The following ANK3 variants were observed in gnomAD, a reference collection of about 807,000 sequenced individuals.
The protein encoded by ANK3 is ankyrin-3.
A neutral mutation model predicts 370.9 loss-of-function variants in ANK3; 57 were observed. The ratio of observed to expected loss-of-function variants is 0.15; its 90% CI spans 0.12 to 0.19. ANK3 has a LOEUF of 0.19. Among genes scored for constraint, ANK3 ranks in the 10% least tolerant of loss-of-function variants. ANK3 has a pLI of 1.00. For synonymous variants in ANK3, 1,929 were observed against 1,946.3 expected, an observed-to-expected ratio of 0.99 and a Z score of 0.23; for missense variants, 4,439 against 5,302.1, an observed-to-expected ratio of 0.84 and a Z score of 5.06.
intron 2 of ANK3, among the ~76,000 whole-genome samples, chr10:60,512,345 G>A (rs930212133): frequency 2.0e-5 from 3 of 152,110 alleles, no homozygotes; most frequent in Admixed American, 1.3e-4. Context: ...TCCTTGAAAA[G>A]CCTTTTTAAA....
At chr10:60,104,357 C>CAAAAA (rs747064489) in intron 28 of ANK3, among the ~76,000 whole-genome samples, 5 of 53,758 alleles carry the variant, frequency 9.3e-5, no homozygotes, top group African/African-American at 6.7e-5. Flanking sequence ...GACTCCATCT[C>CAAAAA]AAAAAAAAAA....
At chr10:60,186,154 G>A (rs941673843) in intron 17 of ANK3, among the ~76,000 whole-genome samples, 2 of 152,166 alleles carry the variant, frequency 1.3e-5, no homozygotes, top group African/African-American at 4.8e-5. Flanking sequence ...GCTACAATTT[G>A]CAGCTTCTTC....
chr10:60,565,640 C>T (rs1161611693), intron 2 of ANK3, among the ~76,000 whole-genome samples: 2 of 152,190 alleles, frequency 1.3e-5, no homozygotes, highest in Non-Finnish European at 2.9e-5. Flanking sequence ...CAAACCATTG[C>T]TTAGATTCAT....
At chr10:60,308,549 T>G (rs1462212458) in intron 1 of ANK3, among the ~76,000 whole-genome samples, 1 of 152,140 alleles carries the variant, frequency 6.6e-6, no homozygotes. Flanking sequence ...TTGCTGGGAT[T>G]ACAGACGTGA....
intron 43 of ANK3, among the ~76,000 whole-genome samples, chr10:60,039,773 T>TTA (rs1431451535): frequency 6.6e-6 from 1 of 152,064 alleles, no homozygotes; most frequent in Non-Finnish European, 1.5e-5. Flanking sequence ...TTTCCTAAGG[T>TTA]TATATATATA....
At chr10:60,264,684 T>C (rs1381418405) in intron 5 of ANK3, among the ~76,000 whole-genome samples, 2 of 152,150 alleles carry the variant, frequency 1.3e-5, no homozygotes, top group Non-Finnish European at 2.9e-5. Context: ...AGGCAAAGTT[T>C]TCAAAGGAGA....
chr10:60,638,531 A>T (rs1377768736), intron 1 of ANK3, among the ~76,000 whole-genome samples: 2 of 152,140 alleles, frequency 1.3e-5, no homozygotes, highest in Non-Finnish European at 2.9e-5. Flanking sequence ...AGACATACAA[A>T]GAAGCAGAAA....
chr10:60,689,319 A>G (rs2079315535), intron 1 of ANK3, among the ~76,000 whole-genome samples: 1 of 152,184 alleles, frequency 6.6e-6, no homozygotes, highest in African/African-American at 2.4e-5. Context: ...GGATCACTTG[A>G]GCCTGGAAGG....
intron 2 of ANK3, among the ~76,000 whole-genome samples, chr10:60,552,615 C>G (rs2077113172): frequency 6.6e-6 from 1 of 152,056 alleles, no homozygotes; most frequent in South Asian, 2.1e-4. Flanking sequence ...TTTTATGAAC[C>G]TAGTTTGCTG....
intron 1 of ANK3, among the ~76,000 whole-genome samples, chr10:60,280,126 C>T (rs2098140123): frequency 6.6e-6 from 1 of 152,164 alleles, no homozygotes; most frequent in African/African-American, 2.4e-5. Context: ...TGCAGTGGTG[C>T]AATCACAGCT....
intron 2 of ANK3, among the ~76,000 whole-genome samples, chr10:60,521,483 G>A (rs1243346561): frequency 6.6e-6 from 1 of 152,058 alleles, no homozygotes; most frequent in Non-Finnish European, 1.5e-5. Flanking sequence ...CTGGAGTTCT[G>A]AGCAATGGTT....
chr10:60,692,023 C>T (rs962979150), intron 1 of ANK3, among the ~76,000 whole-genome samples: 1 of 152,158 alleles, frequency 6.6e-6, no homozygotes, highest in Non-Finnish European at 1.5e-5. Context: ...CTCTATTTCT[C>T]ATCACTAGCT....
At chr10:60,235,304 C>T (rs182637379) in intron 7 of ANK3, among the ~76,000 whole-genome samples, 2 of 152,212 alleles carry the variant, frequency 1.3e-5, no homozygotes, top group East Asian at 1.9e-4. Context: ...ATCCCATGCC[C>T]GTGGTGCTTA....
chr10:60,598,056 T>C (rs2078011854), intron 2 of ANK3, among the ~76,000 whole-genome samples: 3 of 152,246 alleles, frequency 2.0e-5, no homozygotes, highest in African/African-American at 7.2e-5. Context: ...CAGAAGTCTT[T>C]GTTTGAAACT....
chr10:60,198,226 G>C, intron 14 of ANK3, 114 bp downstream of exon 14: 1 of 1,010,042 alleles, frequency 9.9e-7, no homozygotes, highest in East Asian at 2.5e-5. Flanking sequence ...TGACTACTGT[G>C]GGATCGCAAG....
intron 1 of ANK3, among the ~76,000 whole-genome samples, chr10:60,362,037 T>G (rs1387333338): frequency 6.6e-6 from 1 of 152,196 alleles, no homozygotes; most frequent in African/African-American, 2.4e-5. Context: ...ATATGCATAA[T>G]TTCAGCTTTG....
chr10:60,437,955 G>T (rs2064200057), intron 2 of ANK3, among the ~76,000 whole-genome samples: 1 of 152,084 alleles, frequency 6.6e-6, no homozygotes, highest in Admixed American at 6.5e-5. Context: ...AAAACTCTAT[G>T]CTTTTATTAA....
At chr10:60,640,473 G>T (rs2078616850) in intron 1 of ANK3, among the ~76,000 whole-genome samples, 1 of 141,746 alleles carries the variant, frequency 7.1e-6, no homozygotes, top group Admixed American at 7.3e-5. Flanking sequence ...GGGATGCAAG[G>T]CTAGTTCAAT....
intron 42 of ANK3, among the ~76,000 whole-genome samples, chr10:60,052,985 C>G (rs1488464002): frequency 1.3e-5 from 2 of 152,132 alleles, no homozygotes; most frequent in Non-Finnish European, 2.9e-5. Context: ...TACTATCAGC[C>G]TTGACTTTAC....
Sources: allele counts gnomAD v4.1 joint callset (sites outside exome capture counted in the v4.1 genomes callset), GRCh38; gene constraint gnomAD v4.1.1; transcripts MANE v1.5; gene names NCBI Gene and HGNC (gene_info 2026-07-23, HGNC 2026-07-21).